The following ZSCAN31 variants were observed in gnomAD, a reference collection of about 807,000 sequenced individuals.
ZSCAN31 encodes the protein zinc finger and SCAN domain-containing protein 31.
ZSCAN31 carries 14 observed loss-of-function variants against 22.5 expected under a neutral mutation model. That is an observed-to-expected ratio of 0.62 (90% CI 0.41 to 0.97). The LOEUF is 0.97. Among genes scored for constraint, ZSCAN31 ranks in the 50% least tolerant of loss-of-function variants. ZSCAN31 has a pLI of 0.00. For missense variants in ZSCAN31, 424 were observed against 483.4 expected, an observed-to-expected ratio of 0.88 and a Z score of 1.15; for synonymous variants, 168 against 169.8, an observed-to-expected ratio of 0.99 and a Z score of 0.08.
intron 3 of ZSCAN31, 144 bp from the exon 4 acceptor site, chr6:28,326,998 A>G (rs1763334832): frequency 3.6e-6 from 3 of 836,296 alleles, no homozygotes; most frequent in Non-Finnish European, 5.4e-6. Context: ...TGGGTTAAAC[A>G]GGGATGTTTA....
intron 2 of ZSCAN31, among the ~76,000 whole-genome samples, chr6:28,328,388 A>G (rs965949299): frequency 2.0e-5 from 3 of 152,204 alleles, no homozygotes; most frequent in Non-Finnish European, 4.4e-5. Flanking sequence ...CAGTTCAGAG[A>G]CCTACCCCCA....
upstream of ZSCAN31, among the ~76,000 whole-genome samples, chr6:28,338,263 G>A (rs976405309): frequency 2.0e-5 from 3 of 152,028 alleles, no homozygotes; most frequent in African/African-American, 7.3e-5. Context: ...GCCAGGCATT[G>A]TGGCACATGC....
chr6:28,349,209 T>TTTCA lies in ZSCAN31; in HGVS notation c.-371+4652_-371+4653insTGAA. ...TATGTCTCATATATATAGGTGTATA[T>TTTCA]ATATGTCTCATATATATAGGTGTAT... is the stretch of plus-strand genomic sequence containing the variant. On this transcript the variant is annotated intron_variant, in intron 2 of 7. Transcript: ENST00000396838. The surrounding 1 kb of genome is among the most constrained non-coding windows in gnomAD (Gnocchi z 4.1). Among the ~76,000 whole-genome samples the TTTCA allele has an allele frequency of 2.0e-5, 3 of 146,500 alleles. No homozygotes were observed. The highest frequency in any genetic ancestry group is 2.2e-4 in the South Asian group (1 of 4,560).
At chr6:28,345,819 C>T (rs1214146850) in intron 2 of ZSCAN31, among the ~76,000 whole-genome samples, 2 of 152,166 alleles carry the variant, frequency 1.3e-5, no homozygotes. Context: ...ATGGAACAAC[C>T]TTTGAAAGCA....
chr6:28,345,008 G>A (rs1006153354), intron 2 of ZSCAN31, among the ~76,000 whole-genome samples: 4 of 151,204 alleles, frequency 2.6e-5, no homozygotes, highest in Admixed American at 6.6e-5. Flanking sequence ...TAGCCGGCAT[G>A]GTGGCATGTA....
In ZSCAN31 at chr6:28,326,791, T is replaced by A. The variant is rs1763316142; in HGVS notation, c.596A>T (p.Glu199Val). 6.2e-7 allele frequency: 1 copy of A among 1,613,550 alleles called. No individual in the cohort carries two copies. Among genetic ancestry groups the A allele is most frequent in the Non-Finnish European group, 8.5e-7 (1 of 1,179,998 alleles). ...TTGGAGTTTGCTATCCCCCAAATGTTCCATTTCTTTTAAGATTTCTTGCTT... is the reference window on the plus strand; with the variant it reads ...TTGGAGTTTGCTATCCCCCAAATGTACCATTTCTTTTAAGATTTCTTGCTT... Reference protein sequence around the residue: ...ASKQEILKEMEHLGDSKLQRD... With the variant: ...ASKQEILKEMVHLGDSKLQRD... Residue 199 changes from glutamate to valine, a missense_variant, in exon 4 of 4, where the codon GAA becomes GTA. By Grantham distance (121) the Glu-to-Val change is moderately radical. Transcript: ENST00000344279.
At position 28,326,475 on chromosome 6, in the gene ZSCAN31, G is replaced by A; in HGVS notation, c.912C>T (p.Phe304=). ...GTCGAGTGAGGCCATTGCTGGCACT[G>A]AAGGCTTTCCCACACTCCTTACATT... ...PYQCKECGKA[F]SASNGLTRHR... Residue 304 remains phenylalanine (F), a synonymous_variant, in exon 4 of 4, where the codon TTC becomes TTT. Coordinates refer to ENST00000344279, the MANE Select transcript of ZSCAN31 (RefSeq NM_030899.5). 1.9e-6 allele frequency: 3 copies of A among 1,614,090 alleles called. No homozygotes were observed. The highest frequency in any genetic ancestry group is 2.5e-6 in the Non-Finnish European group (3 of 1,180,004).
chr6:28,355,663 C>G (rs1036196017), upstream of ZSCAN31: 1 of 152,238 alleles, frequency 6.6e-6, no homozygotes, highest in East Asian at 1.9e-4. Context: ...GGCTGCGTTG[C>G]TGCTTCTAAA....
At chr6:28,355,951 T>G (rs536945721), upstream of ZSCAN31, 9 of 152,386 alleles carry the variant, frequency 5.9e-5, no homozygotes, top group Admixed American at 5.9e-4. Context: ...ACCCACAGCC[T>G]GTCCTCAGGC....
intron 2 of ZSCAN31, among the ~76,000 whole-genome samples, chr6:28,344,975 CAA>C (rs11320776): frequency 2.7e-3 from 329 of 123,914 alleles, no homozygotes; most frequent in African/African-American, 7.3e-3. Flanking sequence ...ACTAAAACTA[CAA>C]AAAAAAAAAA....
chr6:28,334,298 C>T (rs913642379), intron 1 of ZSCAN31, among the ~76,000 whole-genome samples: 1 of 152,184 alleles, frequency 6.6e-6, no homozygotes, highest in African/African-American at 2.4e-5. Flanking sequence ...CTGTAATCCA[C>T]AAAGGAATTC....
At chr6:28,355,965 GGA>G (rs1765393473), upstream of ZSCAN31, 1 of 152,204 alleles carries the variant, frequency 6.6e-6, no homozygotes, top group Admixed American at 6.5e-5. Context: ...CTCAGGCATG[GGA>G]GAGACATCCA....
chr6:28,353,134 A>G, intron 2 of ZSCAN31, among the ~76,000 whole-genome samples: 1 of 151,844 alleles, frequency 6.6e-6, no homozygotes, highest in East Asian at 1.9e-4. Flanking sequence ...ACGCCCAGCT[A>G]ATTTTTGTAT....
At chr6:28,346,342 CTT>C (rs5875155) in intron 2 of ZSCAN31, among the ~76,000 whole-genome samples, 9,019 of 87,698 alleles carry the variant, frequency 0.1, 544 homozygotes, top group East Asian at 0.17. Context: ...TCAGTACAAT[CTT>C]TTTTTTTTTT....
At position 28,333,997 on chromosome 6, in the gene ZSCAN31, AG is replaced by A. The variant is rs1490148341; in HGVS notation, c.-96+2084del. Reference sequence around the variant, plus strand: ...AGAGTTAAAAAAAAGGGTAAAGTGGAGGGGGTGAAGACTATTGCACTGAATC... The same window carrying A: ...AGAGTTAAAAAAAAGGGTAAAGTGGAGGGGTGAAGACTATTGCACTGAATC... On this transcript the variant is annotated intron_variant, in intron 1 of 3. Transcript: ENST00000344279. This position sits in a 1 kb window ranked among gnomAD's most constrained non-coding sequence, Gnocchi z 4.1. Among the ~76,000 whole-genome samples, 2 of 152,142 alleles carry A rather than the reference AG, an allele frequency of 1.3e-5. No individual in the cohort carries two copies. The highest frequency in any genetic ancestry group is 6.5e-5 in the Admixed American group (1 of 15,280).
At chr6:28,335,550 C>T (rs893847286) in intron 1 of ZSCAN31, 1 of 152,382 alleles carries the variant, frequency 6.6e-6, no homozygotes, top group East Asian at 1.9e-4. Flanking sequence ...TCACCTCAGC[C>T]CCTGATTGGT....
chr6:28,338,751 G>A (rs147251256), upstream of ZSCAN31, among the ~76,000 whole-genome samples: 252 of 152,228 alleles, frequency 1.7e-3, no homozygotes, highest in Non-Finnish European at 2.7e-3. Flanking sequence ...TTGGCTTTAT[G>A]TTCTTGGACT....
Position 28,348,727 on chromosome 6 carries a change from A to G in ZSCAN31, c.-371+5135T>C, listed in dbSNP as rs555838572. On this transcript the variant is annotated intron_variant, in intron 2 of 7. Transcript: ENST00000396838. The stretch of plus-strand genomic sequence containing the variant: ...GGATTCGTGACTCTTTCATTATTCC[A>G]TATACATTTAAAATCAACTAGTCAA... Among the ~76,000 whole-genome samples the G allele has an allele frequency of 3.9e-5, 6 of 152,270 alleles. No homozygotes were observed. The East Asian group carries it at 1.2e-3, about 29-fold the overall frequency.
At chr6:28,335,180 C>T (rs1281619703) in intron 1 of ZSCAN31, among the ~76,000 whole-genome samples, 1 of 152,066 alleles carries the variant, frequency 6.6e-6, no homozygotes, top group African/African-American at 2.4e-5. Flanking sequence ...GGAGAGCCTG[C>T]CCCCGCCCAT....
Sources: gnomAD v4.1 joint callset for allele counts (sites outside exome capture counted in the v4.1 genomes callset) on GRCh38, gnomAD v4.1.1 for gene constraint, Gnocchi (gnomAD v3.1) non-coding constraint, MANE v1.5 for transcripts, NCBI Gene and HGNC (gene_info 2026-07-23, HGNC 2026-07-21) for gene names.